The following DLGAP1 variants were observed in gnomAD, a reference collection of about 807,000 sequenced individuals.
DLGAP1 encodes the protein DLG associated protein 1.
A neutral mutation model predicts 90.8 loss-of-function variants in DLGAP1; 11 were observed. The ratio of observed to expected loss-of-function variants is 0.12; its 90% confidence interval spans 0.08 to 0.20. The LOEUF is 0.20. DLGAP1 is among the 10% of genes least tolerant of loss of function. DLGAP1 has a pLI of 1.00. For missense variants in DLGAP1, 1,050 were observed against 1,333.8 expected (o/e 0.79, Z 3.31); for synonymous variants, 558 against 540.7 (o/e 1.03, Z -0.44).
rs200970393 is a variant in DLGAP1 at position 3,742,432 on chromosome 18, C to T, written c.1253G>A (p.Arg418Gln). Reference protein sequence around the residue: ...LRAVSEVSINRSLDSLDPAGL... With the variant: ...LRAVSEVSINQSLDSLDPAGL... ...TGCAGGGTCCAGGCTGTCCAGGCTC[C>T]GGTTGATGGAGACTTCACTCACTGC... Residue 418 changes from arginine (R) to glutamine (Q), a missense_variant, in exon 6 of 13, where the codon CGG becomes CAG. By Grantham distance (43) the Arg-to-Gln change is conservative. Around this residue, in one of 2 missense-constraint regions of DLGAP1, gnomAD observed 565 missense variants for 879.7 expected, o/e 0.64. Coordinates refer to ENST00000315677, the MANE Select transcript of DLGAP1 (RefSeq NM_004746.4). 4.3e-5 allele frequency: 70 copies of T among 1,614,140 alleles called. No individual in the cohort carries two copies. In the Admixed American group the frequency reaches 4.5e-4, roughly 10 times the overall value.
intron 3 of DLGAP1, among the ~76,000 whole-genome samples, chr18:3,994,358 C>T (rs1052006780): frequency 2.6e-5 from 4 of 152,204 alleles, no homozygotes. Context: ...GTGGCGAGGG[C>T]TTCCCACTGT....
In DLGAP1 at chr18:3,660,994, T is replaced by C. The variant is rs1056174039; in HGVS notation, c.1591+68141A>G. Among the ~76,000 whole-genome samples the C allele has an allele frequency of 3.3e-5, 5 of 152,216 alleles. No homozygotes were observed. Among genetic ancestry groups the C allele is most frequent in the African/African-American group, 4.8e-5 (2 of 41,448 alleles). On this transcript the variant is annotated intron_variant, in intron 7 of 12. Coordinates refer to ENST00000315677, the MANE Select transcript of DLGAP1 (RefSeq NM_004746.4). This position sits in a 1 kb window ranked among gnomAD's most constrained non-coding sequence, Gnocchi z 4.2. Reference sequence around the variant, plus strand: ...GAACTTCAGCCTTTAATATCCTTTTTCTAAGTTATTCCCATGCTGCAGGTG... The same window carrying C: ...GAACTTCAGCCTTTAATATCCTTTTCCTAAGTTATTCCCATGCTGCAGGTG...
intron 2 of DLGAP1, among the ~76,000 whole-genome samples, chr18:4,027,443 T>C (rs1472410053): frequency 8.0e-6 from 1 of 125,536 alleles, no homozygotes; most frequent in Non-Finnish European, 1.6e-5. Context: ...GAGGAGGAGG[T>C]TGCAGTGATC....
chr18:3,690,011 A>ATT (rs34963311), intron 7 of DLGAP1, among the ~76,000 whole-genome samples: 42 of 144,592 alleles, frequency 2.9e-4, no homozygotes, highest in South Asian at 4.4e-4. Flanking sequence ...CTTGATTCCC[A>ATT]TTTTTTTTTT....
intron 1 of DLGAP1, among the ~76,000 whole-genome samples, chr18:4,252,308 T>TA (rs1317741233): frequency 6.6e-6 from 1 of 152,238 alleles, no homozygotes; most frequent in Non-Finnish European, 1.5e-5. Flanking sequence ...GTGTGAATGA[T>TA]ATCTATTCAC....
chr18:3,632,639 T>G (rs2058565964), intron 7 of DLGAP1, among the ~76,000 whole-genome samples: 1 of 152,144 alleles, frequency 6.6e-6, no homozygotes, highest in Non-Finnish European at 1.5e-5. Flanking sequence ...CCTTGGTGGG[T>G]TGTTTCTCTC....
At chr18:3,690,937 G>T (rs115102074) in intron 7 of DLGAP1, among the ~76,000 whole-genome samples, 180 of 152,284 alleles carry the variant, frequency 1.2e-3, no homozygotes, top group African/African-American at 4.0e-3. Flanking sequence ...ATGTGCTGAA[G>T]AAATAAATAC....
Position 3,729,416 on chromosome 18 carries a change from G to C in DLGAP1, c.1351-41C>G, listed in dbSNP as rs761278327. On this transcript the variant is annotated intron_variant, in intron 6 of 12. Coordinates refer to ENST00000315677, the MANE Select transcript of DLGAP1 (RefSeq NM_004746.4). The surrounding 1 kb of genome is among the most constrained non-coding windows in gnomAD (Gnocchi z 6.2). ...GGCGTTGTGACACTCGCCTCCACCT[G>C]GTGGAGGATCAACCTCTCCAAGCAT... 6.3e-7 allele frequency: 1 copy of C among 1,586,326 alleles called. No homozygotes were observed. Among genetic ancestry groups the C allele is most frequent in the Non-Finnish European group, 8.6e-7 (1 of 1,161,310 alleles).
At chr18:4,033,789 G>C (rs1389165584) in intron 2 of DLGAP1, among the ~76,000 whole-genome samples, 2 of 150,608 alleles carry the variant, frequency 1.3e-5, no homozygotes, top group Admixed American at 6.6e-5. Context: ...ACCCAGGCTG[G>C]AGGGCAATGG....
intron 6 of DLGAP1, among the ~76,000 whole-genome samples, chr18:3,738,607 C>T (rs2062760772): frequency 6.6e-6 from 1 of 152,008 alleles, no homozygotes; most frequent in South Asian, 2.1e-4. Flanking sequence ...TTCCTTACAC[C>T]TTATACAAAA....
intron 10 of DLGAP1, among the ~76,000 whole-genome samples, chr18:3,532,976 G>A (rs1312982417): frequency 2.6e-5 from 4 of 152,018 alleles, no homozygotes. Context: ...TTTTTCAAAT[G>A]TTAAAAGGTC....
chr18:3,854,781 T>C (rs1254827640), intron 4 of DLGAP1, among the ~76,000 whole-genome samples: 2 of 152,174 alleles, frequency 1.3e-5, no homozygotes, highest in Non-Finnish European at 2.9e-5. Flanking sequence ...CCTAGAAATT[T>C]TACCTGAGTG....
At chr18:3,881,421 G>T (rs1310345887) in intron 3 of DLGAP1, among the ~76,000 whole-genome samples, 1 of 152,288 alleles carries the variant, frequency 6.6e-6, no homozygotes, top group East Asian at 1.9e-4. Flanking sequence ...GAGAGAATTA[G>T]TTCCTCTCTT....
At position 4,341,816 on chromosome 18, in the gene DLGAP1, T is replaced by A. The variant is rs181621071; in HGVS notation, c.-267+113190A>T. Reference sequence around the variant, plus strand: ...TTAGCTCTTACTTGGAAGAATGTTTTGTTCTCAAAGAGTCTTTGAAAGAAT... The same window carrying A: ...TTAGCTCTTACTTGGAAGAATGTTTAGTTCTCAAAGAGTCTTTGAAAGAAT... On this transcript the variant is annotated intron_variant, in intron 1 of 12. Transcript: ENST00000315677. Among the ~76,000 whole-genome samples, 91 of 152,308 alleles carry A rather than the reference T, an allele frequency of 6.0e-4. 3 individuals are homozygous for A. Among genetic ancestry groups the A allele is most frequent in the Admixed American group, 4.7e-3 (72 of 15,298 alleles).
chr18:3,613,966 A>G (rs1639358), intron 7 of DLGAP1, among the ~76,000 whole-genome samples: 47,737 of 151,682 alleles, frequency 0.31, 8,530 homozygotes, highest in East Asian at 0.54. Flanking sequence ...TCTTTTGCCC[A>G]GGCTGGAGTG....
chr18:3,863,474 C>A (rs1009840093), intron 4 of DLGAP1, among the ~76,000 whole-genome samples: 1 of 152,164 alleles, frequency 6.6e-6, no homozygotes, highest in African/African-American at 2.4e-5. Flanking sequence ...TGGTAATAAA[C>A]CCGTTCATTA....
intron 1 of DLGAP1, among the ~76,000 whole-genome samples, chr18:4,329,745 A>G (rs796936311): frequency 7.9e-5 from 12 of 152,160 alleles, no homozygotes; most frequent in African/African-American, 2.9e-4. Context: ...TCATGCTATT[A>G]TAAATTCCAT....
chr18:4,395,298 T>G (rs906200592), intron 1 of DLGAP1, among the ~76,000 whole-genome samples: 4 of 152,228 alleles, frequency 2.6e-5, no homozygotes, highest in African/African-American at 9.6e-5. Context: ...TATATCCCTA[T>G]TACTATCTCT....
chr18:3,834,128 A>T (rs2068224107), intron 4 of DLGAP1, among the ~76,000 whole-genome samples: 1 of 151,878 alleles, frequency 6.6e-6, no homozygotes, highest in East Asian at 1.9e-4. Context: ...AACACGGTGA[A>T]ACTCCGTCTC....
Sources: gnomAD v4.1 joint callset for allele counts (sites outside exome capture counted in the v4.1 genomes callset) on GRCh38, gnomAD v4.1.1 for gene constraint, gnomAD v4.1.1 regional missense constraint, Gnocchi (gnomAD v3.1) non-coding constraint, MANE v1.5 for transcripts, NCBI Gene and HGNC (gene_info 2026-07-23, HGNC 2026-07-21) for gene names.